Variants in DMXL2 observed in about 807,000 individuals in gnomAD.
DMXL2 encodes dmX-like protein 2.
Under a neutral mutation model 331.1 loss-of-function variants are expected in DMXL2, and 103 were observed. The observed-to-expected ratio is 0.31, with a 90% confidence interval of 0.27 to 0.37. The LOEUF (loss-of-function observed/expected upper bound fraction) is 0.37, where lower values mean the gene tolerates loss of function less well. Among genes scored for constraint, DMXL2 ranks in the 10% least tolerant of loss-of-function variants. DMXL2 has a pLI of 1.00. For synonymous variants in DMXL2, 1,281 were observed against 1,252.1 expected, an observed-to-expected ratio of 1.02 and a Z score of -0.49; for missense variants, 3,171 against 3,642.9, an observed-to-expected ratio of 0.87 and a Z score of 3.33.
chr15:51,563,410 CAGG>C lies in DMXL2; in HGVS notation c.535_537del (p.Pro179del). ...CCAGCAGTAGCAAAATATTCACCAT[CAGG>C]AGACCATTCCATCAAATGTACAGAT... On this transcript the variant is annotated inframe_deletion, in exon 6 of 44. Transcript: ENST00000560891. 1 of 1,609,576 alleles carries C rather than the reference CAGG, an allele frequency of 6.2e-7. No homozygotes were observed. Among genetic ancestry groups the C allele is most frequent in the Non-Finnish European group, 8.5e-7 (1 of 1,178,130 alleles).
intron 23 of DMXL2, among the ~76,000 whole-genome samples, chr15:51,483,046 T>C (rs913328362): frequency 3.9e-5 from 6 of 152,148 alleles, no homozygotes; most frequent in African/African-American, 9.7e-5. Flanking sequence ...GAACTTCTCA[T>C]TGCAGAGGGG....
intron 1 of DMXL2, among the ~76,000 whole-genome samples, chr15:51,613,612 C>T (rs1249125377): frequency 2.0e-5 from 3 of 152,190 alleles, no homozygotes; most frequent in African/African-American, 7.2e-5. Flanking sequence ...TATTTCAACA[C>T]TGTTGGAATT....
At chr15:51,495,541 T>C (rs1392591534) in intron 18 of DMXL2, among the ~76,000 whole-genome samples, 1 of 152,202 alleles carries the variant, frequency 6.6e-6, no homozygotes, top group Non-Finnish European at 1.5e-5. Context: ...ATTTGTTATA[T>C]ATTTAAGCAG....
chr15:51,541,069 T>C (rs140001028), intron 9 of DMXL2, among the ~76,000 whole-genome samples: 87 of 152,296 alleles, frequency 5.7e-4, no homozygotes, highest in African/African-American at 1.9e-3. Flanking sequence ...AAACGGTTCT[T>C]TTAAAAAGGT....
intron 40 of DMXL2, 60 bp from the exon 41 acceptor site, chr15:51,453,701 C>G: frequency 7.4e-7 from 1 of 1,355,244 alleles, no homozygotes. Context: ...TGATACAGTA[C>G]CAACATACAT....
At chr15:51,534,393 G>A (rs538265850) in intron 13 of DMXL2, among the ~76,000 whole-genome samples, 116 of 152,260 alleles carry the variant, frequency 7.6e-4, no homozygotes, top group South Asian at 3.5e-3. Context: ...ACTCTCATAC[G>A]CAAGAAATAT....
chr15:51,450,463 A>C, intron 42 of DMXL2, 117 bp from the exon 43 acceptor site: 1 of 988,714 alleles, frequency 1.0e-6, no homozygotes. Context: ...TCTAAGGTAC[A>C]TTTATTGTTT....
chr15:51,521,723 T>C (rs910112726), intron 13 of DMXL2, among the ~76,000 whole-genome samples: 2 of 152,160 alleles, frequency 1.3e-5, no homozygotes, highest in Admixed American at 6.5e-5. Flanking sequence ...ACTTATTACA[T>C]ACTATATGTA....
intron 1 of DMXL2, among the ~76,000 whole-genome samples, chr15:51,616,320 A>G (rs2054282310): frequency 6.6e-6 from 1 of 152,194 alleles, no homozygotes; most frequent in South Asian, 2.1e-4. Context: ...TCATGAAATG[A>G]GAGGATTTGA....
chr15:51,541,407 CATT>C (rs1311641954), intron 9 of DMXL2, among the ~76,000 whole-genome samples: 1 of 151,950 alleles, frequency 6.6e-6, no homozygotes, highest in African/African-American at 2.4e-5. Context: ...AAATATTTTT[CATT>C]ATTTTTTATA....
intron 1 of DMXL2, among the ~76,000 whole-genome samples, chr15:51,614,332 C>A (rs775297459): frequency 2.2e-4 from 34 of 152,302 alleles, no homozygotes; most frequent in South Asian, 4.1e-4. Flanking sequence ...GCAGCCCCAG[C>A]AAATTAATAC....
chr15:51,464,919 T>C (rs2040441203), intron 31 of DMXL2, 43 bp from the exon 32 acceptor site: 10 of 1,482,994 alleles, frequency 6.7e-6, no homozygotes, highest in East Asian at 2.3e-5. Context: ...ATAAAAAATA[T>C]CGATCATCAC....
chr15:51,453,518 A>G (rs374268189), intron 41 of DMXL2, 32 bp downstream of exon 41: 5 of 1,520,374 alleles, frequency 3.3e-6, no homozygotes, highest in Non-Finnish European at 1.8e-6. Context: ...TAACGTTTTT[A>G]TATTTCTTAC....
Position 51,491,157 on chromosome 15 carries a change from C to A in DMXL2, c.4953+421G>T, listed in dbSNP as rs144876807. On this transcript the variant is annotated intron_variant, in intron 20 of 43. Coordinates refer to ENST00000560891, the MANE Select transcript of DMXL2 (RefSeq NM_001378457.1). ...TCCAAAAAACTTTATTTAAAAAAGT[C>A]TCACCAGGCATGGTGGCTCATGCCT... 9.4e-3 allele frequency among the ~76,000 whole-genome samples: 1,429 copies of A among 152,322 alleles called. 20 individuals carry two copies. The highest frequency in any genetic ancestry group is 0.033 in the African/African-American group (1,375 of 41,580).
chr15:51,453,954 T>C (rs894671567), intron 40 of DMXL2: 4 of 228,624 alleles, frequency 1.7e-5, no homozygotes, highest in African/African-American at 9.3e-5. Context: ...TTAGTGCTAA[T>C]GATCTCAAAT....
At chr15:51,504,908 A>G (rs949013486) in intron 16 of DMXL2, among the ~76,000 whole-genome samples, 1 of 152,196 alleles carries the variant, frequency 6.6e-6, no homozygotes, top group Admixed American at 6.5e-5. Context: ...TCATGCTAAG[A>G]AAGAAAATAA....
At chr15:51,556,785 T>A (rs987938858) in intron 6 of DMXL2, among the ~76,000 whole-genome samples, 1 of 151,556 alleles carries the variant, frequency 6.6e-6, no homozygotes, top group Non-Finnish European at 1.5e-5. Context: ...AAAAAAAAGA[T>A]AAAAATTGTC....
At chr15:51,552,044 T>A (rs943289042) in intron 6 of DMXL2, among the ~76,000 whole-genome samples, 4 of 152,120 alleles carry the variant, frequency 2.6e-5, no homozygotes, top group African/African-American at 7.2e-5. Flanking sequence ...ATTGTAGGTA[T>A]TCCCTAGACA....
At chr15:51,455,075 A>T in intron 40 of DMXL2, 76 bp downstream of exon 40, 1 of 1,196,126 alleles carries the variant, frequency 8.4e-7, no homozygotes, top group South Asian at 1.2e-5. Context: ...CACCAATGAG[A>T]TTCACTGTCT....
Sources: allele counts gnomAD v4.1 joint callset (sites outside exome capture counted in the v4.1 genomes callset), GRCh38; gene constraint gnomAD v4.1.1; transcripts MANE v1.5; gene names NCBI Gene and HGNC (gene_info 2026-07-23, HGNC 2026-07-21).